Variants in NRXN3 observed in about 807,000 individuals in gnomAD.
NRXN3 encodes neurexin III.
Under a neutral mutation model 137.6 loss-of-function variants are expected in NRXN3, and 32 were observed. That is an observed-to-expected ratio of 0.23 (90% CI 0.18 to 0.31). The LOEUF (loss-of-function observed/expected upper bound fraction) is 0.31, where lower values mean the gene tolerates loss of function less well. Ranked by LOEUF, NRXN3 falls within the 10% of genes least tolerant of loss-of-function variation. The pLI is 1.00. For synonymous variants in NRXN3, 798 were observed against 784.5 expected (o/e 1.02, Z -0.29); for missense variants, 1,574 against 2,062.5 (o/e 0.76, Z 4.59).
chr14:78,411,288 A>G (rs964616316), intron 4 of NRXN3, among the ~76,000 whole-genome samples: 6 of 152,250 alleles, frequency 3.9e-5, no homozygotes, highest in African/African-American at 1.2e-4. Flanking sequence ...GGGTTTTATT[A>G]TTATGTTTGC....
At chr14:78,285,744 G>A (rs1477747486) in intron 3 of NRXN3, among the ~76,000 whole-genome samples, 1 of 152,198 alleles carries the variant, frequency 6.6e-6, no homozygotes, top group East Asian at 1.9e-4. Flanking sequence ...CTTTTTATTG[G>A]GGTTCACCCT....
intron 15 of NRXN3, among the ~76,000 whole-genome samples, chr14:79,448,340 C>T (rs765704438): frequency 6.6e-6 from 1 of 152,158 alleles, no homozygotes; most frequent in Non-Finnish European, 1.5e-5. Context: ...TCATGACTAC[C>T]CCTTGTCATG....
intron 4 of NRXN3, among the ~76,000 whole-genome samples, chr14:78,405,145 T>C (rs988757699): frequency 3.3e-5 from 5 of 152,184 alleles, no homozygotes; most frequent in African/African-American, 1.2e-4. Context: ...TATTTTAACC[T>C]CTTCTTCCAC....
intron 15 of NRXN3, among the ~76,000 whole-genome samples, chr14:79,039,844 A>G (rs374203501): frequency 1.2e-4 from 18 of 152,026 alleles, no homozygotes; most frequent in African/African-American, 4.3e-4. Context: ...GGTGCATGCC[A>G]CCATATCTGG....
chr14:79,846,739 T>C (rs1190508348), intron 20 of NRXN3, among the ~76,000 whole-genome samples: 1 of 152,188 alleles, frequency 6.6e-6, no homozygotes, highest in Non-Finnish European at 1.5e-5. Flanking sequence ...CTTAATTTGT[T>C]TTTTAGTCTC....
At chr14:78,648,261 G>A (rs2097706220) in intron 5 of NRXN3, among the ~76,000 whole-genome samples, 1 of 152,178 alleles carries the variant, frequency 6.6e-6, no homozygotes, top group Non-Finnish European at 1.5e-5. Flanking sequence ...TGAGTCCAAG[G>A]TCATGGCCAT....
At chr14:79,589,927 A>G (rs1312296925) in intron 16 of NRXN3, among the ~76,000 whole-genome samples, 1 of 152,224 alleles carries the variant, frequency 6.6e-6, no homozygotes, top group Non-Finnish European at 1.5e-5. Flanking sequence ...TTTGTGACAC[A>G]AAACAGAAAA....
At chr14:79,099,276 G>C (rs547861107) in intron 15 of NRXN3, among the ~76,000 whole-genome samples, 1 of 152,112 alleles carries the variant, frequency 6.6e-6, no homozygotes, top group African/African-American at 2.4e-5. Context: ...TTCTTTGTGA[G>C]ATTTAATTCT....
intron 8 of NRXN3, among the ~76,000 whole-genome samples, chr14:78,784,812 A>G (rs887695851): frequency 2.0e-5 from 3 of 152,134 alleles, no homozygotes; most frequent in South Asian, 2.1e-4. Flanking sequence ...AGTAGAGTCA[A>G]TGAGCCTTGC....
At chr14:78,258,541 A>G (rs1487374570) in intron 2 of NRXN3, among the ~76,000 whole-genome samples, 3 of 152,110 alleles carry the variant, frequency 2.0e-5, no homozygotes, top group African/African-American at 4.8e-5. Context: ...TTTAGAGGAA[A>G]AGGAGCCTAA....
intron 20 of NRXN3, among the ~76,000 whole-genome samples, chr14:79,837,846 C>T (rs1174270101): frequency 1.3e-5 from 2 of 152,292 alleles, no homozygotes; most frequent in Admixed American, 6.5e-5. Flanking sequence ...CATTTAAACT[C>T]TTCATGCAGC....
chr14:79,252,615 T>C (rs2076085513), intron 15 of NRXN3, among the ~76,000 whole-genome samples: 1 of 152,128 alleles, frequency 6.6e-6, no homozygotes, highest in Admixed American at 6.6e-5. Context: ...CTTTAGAAAC[T>C]GTTTCAGATC....
chr14:79,804,362 TA>T (rs1368538756), intron 19 of NRXN3, among the ~76,000 whole-genome samples: 1 of 152,126 alleles, frequency 6.6e-6, no homozygotes, highest in African/African-American at 2.4e-5. Flanking sequence ...CAGTCTCCTA[TA>T]TTTCTTGTAA....
At chr14:78,610,752 A>C (rs542247951) in intron 4 of NRXN3, among the ~76,000 whole-genome samples, 2 of 152,312 alleles carry the variant, frequency 1.3e-5, no homozygotes, top group Admixed American at 6.5e-5. Flanking sequence ...TGCAGGTGAA[A>C]CCATGGGGGG....
intron 4 of NRXN3, among the ~76,000 whole-genome samples, chr14:78,301,542 G>T (rs2076876848): frequency 6.6e-6 from 1 of 152,184 alleles, no homozygotes; most frequent in South Asian, 2.1e-4. Context: ...GGAGTGAAGG[G>T]AGAGGTTAAT....
chr14:79,138,750 T>A (rs2152989689), intron 15 of NRXN3, among the ~76,000 whole-genome samples: 1 of 152,324 alleles, frequency 6.6e-6, no homozygotes, highest in East Asian at 1.9e-4. Context: ...CTAAAAATAG[T>A]TCTTGATATA....
chr14:79,853,678 T>A, intron 20 of NRXN3: 1 of 1,297,744 alleles, frequency 7.7e-7, no homozygotes, highest in Non-Finnish European at 1.0e-6. Flanking sequence ...GCATCTTTCC[T>A]TCCCATTCTC....
chr14:79,499,856 T>C (rs1183605728), intron 16 of NRXN3, among the ~76,000 whole-genome samples: 1 of 152,140 alleles, frequency 6.6e-6, no homozygotes, highest in Non-Finnish European at 1.5e-5. Flanking sequence ...GTTCATTTGT[T>C]CATTCATTCC....
At chr14:78,453,688 A>C (rs996758425) in intron 4 of NRXN3, among the ~76,000 whole-genome samples, 4 of 152,310 alleles carry the variant, frequency 2.6e-5, no homozygotes, top group African/African-American at 7.2e-5. Context: ...TAGATGATCG[A>C]GTTAACGTGA....
Sources: allele counts gnomAD v4.1 joint callset (sites outside exome capture counted in the v4.1 genomes callset), GRCh38; gene constraint gnomAD v4.1.1; transcripts MANE v1.5; gene names NCBI Gene and HGNC (gene_info 2026-07-23, HGNC 2026-07-21).